The following ATP2B2 variants were observed in gnomAD, a reference collection of about 807,000 sequenced individuals.
The protein encoded by ATP2B2 is ATPase plasma membrane Ca2+ transporting 2, also known as plasma membrane calcium-transporting ATPase 2.
A neutral mutation model predicts 120.0 loss-of-function variants in ATP2B2; 15 were observed. The observed-to-expected ratio is 0.12, with a 90% CI of 0.08 to 0.19. ATP2B2 has a LOEUF of 0.19. ATP2B2 is among the 10% of genes least tolerant of loss of function. ATP2B2 has a pLI of 1.00. For synonymous variants in ATP2B2, 694 were observed against 700.3 expected, an observed-to-expected ratio of 0.99 and a Z score of 0.14; for missense variants, 1,045 against 1,719.8, an observed-to-expected ratio of 0.61 and a Z score of 6.94.
chr3:10,500,888 C>T (rs1020291607), intron 1 of ATP2B2, among the ~76,000 whole-genome samples: 5 of 152,212 alleles, frequency 3.3e-5, no homozygotes, highest in Non-Finnish European at 7.3e-5. Context: ...GACCCTTCAC[C>T]CCAAGGGGCA....
Position 10,430,191 on chromosome 3 carries a change from C to A in ATP2B2, c.199+19154G>T, listed in dbSNP as rs138649454. ...TAAGTGCTGTTTTCACACCTGCTAA[C>A]ACAATATCTATTCTGCAGCCCATGA... On this transcript the variant is annotated intron_variant, in intron 2 of 22. Transcript: ENST00000360273. Among the ~76,000 whole-genome samples the A allele has an allele frequency of 8.5e-4, 129 of 152,370 alleles. 2 individuals carry two copies. Among genetic ancestry groups the A allele is most frequent in the African/African-American group, 3.0e-3 (124 of 41,594 alleles).
chr3:10,513,736 G>A (rs922911627), intron 3 of ATP2B2, among the ~76,000 whole-genome samples: 3 of 152,186 alleles, frequency 2.0e-5, no homozygotes, highest in African/African-American at 4.8e-5. Context: ...TGTGCAGGGG[G>A]CTGAGGGGGC....
intron 2 of ATP2B2, among the ~76,000 whole-genome samples, chr3:10,567,126 C>T (rs1425670259): frequency 6.6e-6 from 1 of 152,204 alleles, no homozygotes; most frequent in East Asian, 1.9e-4. Context: ...CTAGAGGTGT[C>T]TCTCCTGGTG....
Position 10,345,612 on chromosome 3 carries a change from C to T in ATP2B2, c.2512-37G>A, listed in dbSNP as rs760572482. The T allele has an allele frequency of 2.9e-5, 46 of 1,604,204 alleles. 1 individual carries two copies. Among genetic ancestry groups the T allele is most frequent in the South Asian group, 2.2e-4 (20 of 90,448 alleles). ...GGGACAGGAGGCTGGGTGGGGTGGCCGGGGGAGGTGACCACTTCTAGCATC... is the reference window on the plus strand; with the variant it reads ...GGGACAGGAGGCTGGGTGGGGTGGCTGGGGGAGGTGACCACTTCTAGCATC... On this transcript the variant is annotated intron_variant, in intron 17 of 22. Coordinates refer to ENST00000360273, the MANE Select transcript of ATP2B2 (RefSeq NM_001001331.4).
At chr3:10,443,909 G>C (rs2063750141) in intron 2 of ATP2B2, among the ~76,000 whole-genome samples, 2 of 152,216 alleles carry the variant, frequency 1.3e-5, no homozygotes, top group African/African-American at 4.8e-5. Context: ...AACTGAGGTT[G>C]TCGGAGACTA....
Position 10,384,331 on chromosome 3 carries a change from T to C in ATP2B2, c.1000+937A>G, listed in dbSNP as rs537088755. Reference sequence around the variant, plus strand: ...TGCAGAGACGGTGGGAAAAAGATTTTCCCCTGCCCTCAGCTCCTCTGGGGC... The same window carrying C: ...TGCAGAGACGGTGGGAAAAAGATTTCCCCCTGCCCTCAGCTCCTCTGGGGC... On this transcript the variant is annotated intron_variant, in intron 8 of 22. Transcript: ENST00000360273. 4.6e-5 allele frequency among the ~76,000 whole-genome samples: 7 copies of C among 152,242 alleles called. No individual in the cohort carries two copies. In the East Asian group the frequency reaches 5.8e-4, roughly 13 times the overall value.
intron 2 of ATP2B2, among the ~76,000 whole-genome samples, chr3:10,555,609 C>T (rs911905149): frequency 1.3e-5 from 2 of 152,226 alleles, no homozygotes; most frequent in African/African-American, 2.4e-5. Context: ...CTGGCCCTGA[C>T]AGAGTGATTC....
chr3:10,366,482 T>C lies in ATP2B2; in HGVS notation c.1659+5327A>G, dbSNP rs559220568. On this transcript the variant is annotated intron_variant, in intron 12 of 22. Coordinates refer to ENST00000360273, the MANE Select transcript of ATP2B2 (RefSeq NM_001001331.4). The stretch of plus-strand genomic sequence containing the variant: ...CCACTTCGGGGGCTCCAGGGAGATT[T>C]GTTTTTCTCTCAATAGCTTATGTTT... 2.6e-5 allele frequency among the ~76,000 whole-genome samples: 4 copies of C among 152,334 alleles called. No individual in the cohort carries two copies. The South Asian group carries it at 6.2e-4, about 24-fold the overall frequency.
intron 1 of ATP2B2, among the ~76,000 whole-genome samples, chr3:10,665,191 T>C (rs1254975749): frequency 6.6e-6 from 1 of 152,126 alleles, no homozygotes; most frequent in African/African-American, 2.4e-5. Flanking sequence ...AAGAATAAAA[T>C]CCATACAGCT....
intron 1 of ATP2B2, among the ~76,000 whole-genome samples, chr3:10,680,626 C>T (rs1315720228): frequency 6.6e-6 from 1 of 152,116 alleles, no homozygotes; most frequent in Non-Finnish European, 1.5e-5. Flanking sequence ...CATTAGGTCT[C>T]CTTTGGTGTC....
chr3:10,432,428 G>C (rs116297349), intron 2 of ATP2B2, among the ~76,000 whole-genome samples: 1 of 152,222 alleles, frequency 6.6e-6, no homozygotes. Flanking sequence ...TATGGGAGTG[G>C]GGGTGACAGA....
intron 14 of ATP2B2, 32 bp from the exon 15 acceptor site, chr3:10,350,609 G>A (rs377740869): frequency 8.7e-6 from 14 of 1,603,094 alleles, no homozygotes; most frequent in African/African-American, 1.3e-5. Flanking sequence ...ATGGGGGAGG[G>A]CACCACCTCA....
At chr3:10,614,688 A>C (rs1339724268) in intron 2 of ATP2B2, among the ~76,000 whole-genome samples, 1 of 152,148 alleles carries the variant, frequency 6.6e-6, no homozygotes, top group Non-Finnish European at 1.5e-5. Flanking sequence ...AATACCACTG[A>C]CCTATGTCCC....
intron 2 of ATP2B2, among the ~76,000 whole-genome samples, chr3:10,574,679 A>C (rs2068203470): frequency 6.6e-6 from 1 of 152,210 alleles, no homozygotes; most frequent in Non-Finnish European, 1.5e-5. Flanking sequence ...ACATATTTAA[A>C]AGTAGTAATA....
intron 2 of ATP2B2, among the ~76,000 whole-genome samples, chr3:10,546,950 T>C (rs2067560424): frequency 6.6e-6 from 1 of 151,898 alleles, no homozygotes; most frequent in South Asian, 2.1e-4. Context: ...CCTCTCTGAG[T>C]CAAAAATAGA....
At chr3:10,429,615 C>G (rs1029361532) in intron 2 of ATP2B2, among the ~76,000 whole-genome samples, 3 of 152,150 alleles carry the variant, frequency 2.0e-5, no homozygotes, top group African/African-American at 7.2e-5. Context: ...CCTTGGGCCT[C>G]CCTATTCCCT....
In ATP2B2 at chr3:10,449,861, T is replaced by A; in HGVS notation, c.-318A>T. 1 of 429,176 alleles carries A rather than the reference T, an allele frequency of 2.3e-6. No homozygotes were observed. Among genetic ancestry groups the A allele is most frequent in the Non-Finnish European group, 4.4e-6 (1 of 228,436 alleles). 26.6% of individuals were successfully genotyped at this position (429,176 alleles called of 1,614,324 possible). ...CATCTACATGGTCAGGGGTGGTGGC[T>A]CCTGTGGGACAAGCACAGAGTGAGT... On this transcript the variant is annotated splice_region_variant and 5_prime_UTR_variant, in exon 2 of 23. Transcript: ENST00000360273.
chr3:10,570,924 G>C (rs1386334091), intron 2 of ATP2B2, among the ~76,000 whole-genome samples: 1 of 152,188 alleles, frequency 6.6e-6, no homozygotes, highest in Admixed American at 6.5e-5. Flanking sequence ...CCTTAATGAA[G>C]ATAAATTCTC....
At chr3:10,339,063 G>A (rs1006148654) in intron 21 of ATP2B2, 1 of 153,046 alleles carries the variant, frequency 6.5e-6, no homozygotes, top group African/African-American at 2.4e-5. Context: ...TGTAGGAGCA[G>A]TCAGGCGCTG....
Sources: allele counts gnomAD v4.1 joint callset (sites outside exome capture counted in the v4.1 genomes callset), GRCh38; gene constraint gnomAD v4.1.1; transcripts MANE v1.5; gene names NCBI Gene and HGNC (gene_info 2026-07-23, HGNC 2026-07-21).